The following CNTFR variants were observed in gnomAD, a reference collection of about 807,000 sequenced individuals.
CNTFR encodes the protein ciliary neurotrophic factor receptor.
A neutral mutation model predicts 40.4 loss-of-function variants in CNTFR; 12 were observed. The ratio of observed to expected loss-of-function variants is 0.30; its 90% CI spans 0.19 to 0.48. The LOEUF (loss-of-function observed/expected upper bound fraction) is 0.48. CNTFR is among the 20% of genes least tolerant of loss of function. CNTFR has a pLI of 0.99. For synonymous variants in CNTFR, 202 were observed against 209.6 expected, an observed-to-expected ratio of 0.96 and a Z score of 0.31; for missense variants, 414 against 506.8, an observed-to-expected ratio of 0.82 and a Z score of 1.76.
intron 3 of CNTFR, chr9:34,568,307 G>A (rs1034995131): frequency 1.3e-5 from 2 of 152,686 alleles, no homozygotes; most frequent in African/African-American, 4.8e-5. Context: ...CCTCACTGGA[G>A]AAATAGGTAA....
At chr9:34,587,243 C>A (rs75842242) in intron 1 of CNTFR, among the ~76,000 whole-genome samples, 7,951 of 152,156 alleles carry the variant, frequency 0.052, 272 homozygotes, top group South Asian at 0.12. Context: ...GAGTGTGAGA[C>A]CCTGGTCATA....
chr9:34,558,090 T>A, intron 4 of CNTFR, 106 bp from the exon 5 acceptor site: 1 of 745,778 alleles, frequency 1.3e-6, no homozygotes, highest in Non-Finnish European at 2.0e-6. Context: ...CCTCAACCCA[T>A]CATTGATGCC....
chr9:34,575,799 G>A (rs2132224208), intron 2 of CNTFR, among the ~76,000 whole-genome samples: 1 of 152,132 alleles, frequency 6.6e-6, no homozygotes, highest in East Asian at 1.9e-4. Flanking sequence ...TGGGTGGGGG[G>A]AAAAGAAGCT....
chr9:34,588,881 A>C (rs1457625148), intron 1 of CNTFR, among the ~76,000 whole-genome samples: 2 of 152,088 alleles, frequency 1.3e-5, no homozygotes, highest in African/African-American at 2.4e-5. Context: ...ACTGAGCCGC[A>C]CTGGAGGAGA....
Position 34,569,018 on chromosome 9 carries a change from T to A in CNTFR, c.1-37A>T. The A allele has an allele frequency of 2.0e-6, 3 of 1,530,662 alleles. No individual in the cohort carries two copies. The South Asian group carries it at 3.6e-5, about 18-fold the overall frequency. The allele number at this position is 1,530,662 out of a possible 1,614,324, so 94.8% of individuals were successfully genotyped here. The stretch of plus-strand genomic sequence containing the variant: ...AACCGGGGTGGGGGAGGGGTCAGCA[T>A]CAGCCCAGGCAGGACTGTCCTGGGG... On this transcript the variant is annotated intron_variant, in intron 2 of 9. Transcript: ENST00000378980.
At chr9:34,567,691 T>A (rs1454823453) in intron 3 of CNTFR, among the ~76,000 whole-genome samples, 1 of 152,002 alleles carries the variant, frequency 6.6e-6, no homozygotes, top group Non-Finnish European at 1.5e-5. Context: ...AACACAAGGA[T>A]ACAGCCCCAC....
In CNTFR at chr9:34,557,108, T is replaced by A. The variant is rs1342522836; in HGVS notation, c.604+418A>T. Among the ~76,000 whole-genome samples, 1 of 97,556 alleles carries A rather than the reference T, an allele frequency of 1.0e-5. No homozygotes were observed. The highest frequency in any genetic ancestry group is 2.1e-5 in the Non-Finnish European group (1 of 48,718). 64.0% of individuals were successfully genotyped at this position (97,556 alleles called of 152,430 possible). On this transcript the variant is annotated intron_variant, in intron 6 of 9. Coordinates refer to ENST00000378980, the MANE Select transcript of CNTFR (RefSeq NM_147164.3). This position sits in a 1 kb window ranked among gnomAD's most constrained non-coding sequence, Gnocchi z 4.2. The stretch of plus-strand genomic sequence containing the variant: ...GAGGGTCTGGCTGGGATGGGGGGGG[T>A]CAGGGGGAGGGCAGTATCTGTCCCA...
At chr9:34,570,530 A>C (rs936375629) in intron 2 of CNTFR, among the ~76,000 whole-genome samples, 1 of 152,190 alleles carries the variant, frequency 6.6e-6, no homozygotes, top group Non-Finnish European at 1.5e-5. Context: ...AGAAACTGAT[A>C]GACGCAAACA....
rs903803485 is a variant in CNTFR, at chr9:34,557,879, T to C, written c.425A>G (p.Asn142Ser). 3 of 1,568,144 alleles carry C rather than the reference T, an allele frequency of 1.9e-6. No individual in the cohort carries two copies. Among genetic ancestry groups the C allele is most frequent in the Admixed American group, 1.8e-5 (1 of 55,468 alleles). The change falls in exon 5 of 10, where the codon AAT becomes AGT. Residue 142 changes from asparagine (N) to serine (S), a missense_variant. Physicochemically the swap from Asn to Ser is conservative, Grantham distance 46. This residue lies in a region of CNTFR where 250 missense variants were observed against 269.5 expected (regional missense o/e 0.93). Transcript: ENST00000378980. This position sits in a 1 kb window ranked among gnomAD's most constrained non-coding sequence, Gnocchi z 4.2. ...CGCAGCTACTCACAGCACAGTCACA[T>C]TGAAGGTGTTGGGAATGTAGGTGGG... is the stretch of plus-strand genomic sequence containing the variant. ...PTPTYIPNTFNVTVLHGSKIM... is the reference protein window; with the variant it reads ...PTPTYIPNTFSVTVLHGSKIM...
In CNTFR at chr9:34,552,457, G is replaced by A; in HGVS notation, c.950-128C>T. 8.8e-7 allele frequency: 1 copy of A among 1,134,924 alleles called. No homozygotes were observed. Among genetic ancestry groups the A allele is most frequent in the Non-Finnish European group, 1.2e-6 (1 of 818,036 alleles). 70.3% of individuals were successfully genotyped at this position (1,134,924 alleles called of 1,614,324 possible). ...CTGCCTCCCCCATCAGGCAGATCCT[G>A]TTTCCCAAGGCTCACAGATAACCCC... On this transcript the variant is annotated intron_variant, in intron 8 of 9. Coordinates refer to ENST00000378980, the MANE Select transcript of CNTFR (RefSeq NM_147164.3). This position sits in a 1 kb window ranked among gnomAD's most constrained non-coding sequence, Gnocchi z 5.1.
intron 2 of CNTFR, 149 bp downstream of exon 2, chr9:34,580,946 G>A (rs561844921): frequency 1.3e-5 from 2 of 152,276 alleles, no homozygotes; most frequent in South Asian, 2.1e-4. Flanking sequence ...CAGCCAGGCT[G>A]AGCCCAAAAC....
intron 1 of CNTFR, among the ~76,000 whole-genome samples, chr9:34,585,826 C>T (rs1827514427): frequency 6.6e-6 from 1 of 152,178 alleles, no homozygotes; most frequent in Non-Finnish European, 1.5e-5. Flanking sequence ...AGGCTCCTTG[C>T]TCTCCAGGAC....
chr9:34,567,048 C>A (rs1826336322), intron 3 of CNTFR, among the ~76,000 whole-genome samples: 1 of 152,174 alleles, frequency 6.6e-6, no homozygotes. Flanking sequence ...AATGGCAATA[C>A]ACGCAGCCAT....
chr9:34,569,726 G>T (rs149494109), intron 2 of CNTFR: 3 of 152,370 alleles, frequency 2.0e-5, no homozygotes, highest in African/African-American at 7.2e-5. Flanking sequence ...ATGATCAAGA[G>T]AAAATGAAGG....
chr9:34,557,450 C>A lies in CNTFR; in HGVS notation c.604+76G>T. On this transcript the variant is annotated intron_variant, in intron 6 of 9. Transcript: ENST00000378980. This position sits in a 1 kb window ranked among gnomAD's most constrained non-coding sequence, Gnocchi z 4.2. Reference sequence around the variant, plus strand: ...ATGTATACATGTGCATGCATGTGGACATCCCCACCAATGGCACACATCCAC... The same window carrying A: ...ATGTATACATGTGCATGCATGTGGAAATCCCCACCAATGGCACACATCCAC... 6.6e-7 allele frequency: 1 copy of A among 1,523,254 alleles called. No homozygotes were observed. Among genetic ancestry groups the A allele is most frequent in the Non-Finnish European group, 9.0e-7 (1 of 1,113,562 alleles). 94.4% of individuals were successfully genotyped at this position (1,523,254 alleles called of 1,614,324 possible). A position where few individuals can be genotyped will look rare whatever the true frequency, so the allele number is the denominator to read the frequency against.
chr9:34,563,135 T>G (rs910548815), intron 4 of CNTFR, among the ~76,000 whole-genome samples: 2 of 152,178 alleles, frequency 1.3e-5, no homozygotes, highest in Non-Finnish European at 2.9e-5. Context: ...TTACCAGCCA[T>G]CAACTCCCGG....
chr9:34,555,269 G>A (rs1345252567), intron 7 of CNTFR, among the ~76,000 whole-genome samples: 4 of 152,168 alleles, frequency 2.6e-5, no homozygotes, highest in Admixed American at 6.5e-5. Context: ...GCTTTGTGGG[G>A]GACAGGCACC....
At chr9:34,590,476 GACTCCCCTCCCGGTC>G (rs1157529323), upstream of CNTFR, among the ~76,000 whole-genome samples, 1 of 152,074 alleles carries the variant, frequency 6.6e-6, no homozygotes, top group Middle Eastern at 3.2e-3. Flanking sequence ...CCCCCGCAAC[GACTCCCCTCCCGGTC>G]ACCCCCTCGC....
At chr9:34,583,152 A>G (rs779855761) in intron 1 of CNTFR, among the ~76,000 whole-genome samples, 8 of 151,872 alleles carry the variant, frequency 5.3e-5, no homozygotes, top group Non-Finnish European at 1.2e-4. Context: ...CTCCATCCTC[A>G]CCTGCTGTCC....
Sources: gnomAD v4.1 joint callset for allele counts (sites outside exome capture counted in the v4.1 genomes callset) on GRCh38, gnomAD v4.1.1 for gene constraint, gnomAD v4.1.1 regional missense constraint, Gnocchi (gnomAD v3.1) non-coding constraint, MANE v1.5 for transcripts, NCBI Gene and HGNC (gene_info 2026-07-23, HGNC 2026-07-21) for gene names.